Variants in CNTNAP2 observed in about 807,000 individuals in gnomAD.
The protein encoded by CNTNAP2 is contactin-associated protein-like 2.
A neutral mutation model predicts 155.2 loss-of-function variants in CNTNAP2; 98 were observed. The ratio of observed to expected loss-of-function variants is 0.63; its 90% confidence interval spans 0.54 to 0.75. CNTNAP2 has a LOEUF of 0.75. Ranked by LOEUF, CNTNAP2 falls within the 30% of genes least tolerant of loss-of-function variation. The pLI, the probability that CNTNAP2 is intolerant of heterozygous loss-of-function variation, is 0.00. For missense variants in CNTNAP2, 1,727 were observed against 1,688.1 expected, an observed-to-expected ratio of 1.02 and a Z score of -0.40; for synonymous variants, 651 against 631.2, an observed-to-expected ratio of 1.03 and a Z score of -0.47.
intron 5 of CNTNAP2, among the ~76,000 whole-genome samples, chr7:147,113,494 G>C (rs1800924174): frequency 6.6e-6 from 1 of 151,930 alleles, no homozygotes; most frequent in African/African-American, 2.4e-5. Flanking sequence ...GGCTGGAGAG[G>C]CCTCAGGAAA....
intron 1 of CNTNAP2, among the ~76,000 whole-genome samples, chr7:146,398,821 G>A (rs1230749023): frequency 6.6e-6 from 1 of 152,024 alleles, no homozygotes; most frequent in East Asian, 1.9e-4. Flanking sequence ...AGGGCAGGGA[G>A]AGGCTGGAAA....
intron 13 of CNTNAP2, among the ~76,000 whole-genome samples, chr7:147,650,345 T>C (rs1795431090): frequency 6.6e-6 from 1 of 152,150 alleles, no homozygotes; most frequent in South Asian, 2.1e-4. Context: ...GAGAATACAA[T>C]GAGGGTAAAA....
intron 1 of CNTNAP2, among the ~76,000 whole-genome samples, chr7:146,190,163 G>A (rs953799026): frequency 5.9e-5 from 9 of 152,146 alleles, no homozygotes; most frequent in South Asian, 2.1e-4. Flanking sequence ...TCATGCGTTC[G>A]TTTGTTAATT....
At chr7:147,003,006 A>G (rs923659122) in intron 3 of CNTNAP2, among the ~76,000 whole-genome samples, 18 of 151,826 alleles carry the variant, frequency 1.2e-4, no homozygotes, top group Non-Finnish European at 2.5e-4. Context: ...AAGGATTTAG[A>G]AAACCAAAGG....
intron 2 of CNTNAP2, among the ~76,000 whole-genome samples, chr7:146,777,122 A>G (rs1412920284): frequency 6.6e-6 from 1 of 152,150 alleles, no homozygotes; most frequent in East Asian, 1.9e-4. Flanking sequence ...TCTCTTTTTG[A>G]CCATTGATAT....
chr7:147,029,549 G>GTTT (rs11370307), intron 3 of CNTNAP2, among the ~76,000 whole-genome samples: 2 of 147,598 alleles, frequency 1.4e-5, no homozygotes, highest in Non-Finnish European at 3.0e-5. Context: ...TGTAAAAAGG[G>GTTT]TTTTTTTTTT....
chr7:147,311,660 G>A (rs1157690483), intron 9 of CNTNAP2, among the ~76,000 whole-genome samples: 1 of 151,912 alleles, frequency 6.6e-6, no homozygotes, highest in East Asian at 1.9e-4. Context: ...GGTAGTTACA[G>A]GAAGTTATTT....
At chr7:148,014,880 A>G (rs1467749123) in intron 15 of CNTNAP2, among the ~76,000 whole-genome samples, 1 of 152,246 alleles carries the variant, frequency 6.6e-6, no homozygotes, top group Non-Finnish European at 1.5e-5. Flanking sequence ...AGTGCCTGCT[A>G]GAGCAATTGA....
intron 9 of CNTNAP2, among the ~76,000 whole-genome samples, chr7:147,388,966 A>C (rs921492300): frequency 6.6e-6 from 1 of 152,108 alleles, no homozygotes; most frequent in Non-Finnish European, 1.5e-5. Context: ...ATCAACCTGT[A>C]CTGTAACCAA....
At chr7:146,185,509 G>T (rs1439123322) in intron 1 of CNTNAP2, among the ~76,000 whole-genome samples, 1 of 152,184 alleles carries the variant, frequency 6.6e-6, no homozygotes, top group Non-Finnish European at 1.5e-5. Flanking sequence ...ACAGGAGCTA[G>T]ATGGAACTCT....
rs546442389 is a variant in CNTNAP2 at position 146,931,446 on chromosome 7, G to T, written c.402+91542G>T. On this transcript the variant is annotated intron_variant, in intron 3 of 23. Transcript: ENST00000361727. ...GGACGCATTCAAAGCAGTGTGTAGA[G>T]GGAAATTTATAGCACTAAATGCCCA... Among the ~76,000 whole-genome samples, 7 of 148,446 alleles carry T rather than the reference G, an allele frequency of 4.7e-5. No homozygotes were observed. The East Asian group carries it at 1.4e-3, about 29-fold the overall frequency.
At chr7:147,688,930 A>C (rs1395406409) in intron 13 of CNTNAP2, among the ~76,000 whole-genome samples, 1 of 152,156 alleles carries the variant, frequency 6.6e-6, no homozygotes, top group Non-Finnish European at 1.5e-5. Flanking sequence ...AATACTACCA[A>C]GGGGTCACTC....
At chr7:147,778,272 A>C (rs1470263298) in intron 13 of CNTNAP2, among the ~76,000 whole-genome samples, 2 of 152,234 alleles carry the variant, frequency 1.3e-5, no homozygotes, top group Non-Finnish European at 2.9e-5. Context: ...TATTTTTCTA[A>C]TACTTTGGAA....
chr7:147,853,462 T>C (rs1383947023), intron 13 of CNTNAP2, among the ~76,000 whole-genome samples: 2 of 151,758 alleles, frequency 1.3e-5, no homozygotes, highest in Non-Finnish European at 2.9e-5. Context: ...TTAAAAATCC[T>C]ATTTATTTAT....
At chr7:148,109,160 T>G (rs1455789824) in intron 15 of CNTNAP2, among the ~76,000 whole-genome samples, 1 of 152,190 alleles carries the variant, frequency 6.6e-6, no homozygotes, top group African/African-American at 2.4e-5. Context: ...TAGTAGTAAG[T>G]AATCACATTT....
At chr7:146,425,661 G>T (rs1012090453) in intron 1 of CNTNAP2, among the ~76,000 whole-genome samples, 1 of 152,108 alleles carries the variant, frequency 6.6e-6, no homozygotes, top group Non-Finnish European at 1.5e-5. Flanking sequence ...GAATTGAAAT[G>T]CCACAGTAAC....
chr7:147,767,823 G>A (rs1215151423), intron 13 of CNTNAP2, among the ~76,000 whole-genome samples: 1 of 152,080 alleles, frequency 6.6e-6, no homozygotes, highest in Non-Finnish European at 1.5e-5. Context: ...AGTTATAGTT[G>A]CATCATTTGT....
At chr7:148,038,836 AT>A (rs2116474680) in intron 15 of CNTNAP2, among the ~76,000 whole-genome samples, 1 of 151,438 alleles carries the variant, frequency 6.6e-6, no homozygotes, top group African/African-American at 2.4e-5. Context: ...AGATGGATGG[AT>A]GGATGGATGG....
At chr7:146,540,947 G>A (rs566544928) in intron 1 of CNTNAP2, among the ~76,000 whole-genome samples, 1 of 152,020 alleles carries the variant, frequency 6.6e-6, no homozygotes, top group Non-Finnish European at 1.5e-5. Context: ...TCCCCAAATT[G>A]CCATCAAGCA....
Sources: gnomAD v4.1 joint callset for allele counts (sites outside exome capture counted in the v4.1 genomes callset) on GRCh38, gnomAD v4.1.1 for gene constraint, MANE v1.5 for transcripts, NCBI Gene and HGNC (gene_info 2026-07-23, HGNC 2026-07-21) for gene names.